SNTG1: variants seen among roughly 807,000 people sequenced by gnomAD.
SNTG1 encodes the protein gamma-1-syntrophin.
A neutral mutation model predicts 74.7 loss-of-function variants in SNTG1; 39 were observed. That is an observed-to-expected ratio of 0.52 (90% confidence interval 0.40 to 0.68). The LOEUF (loss-of-function observed/expected upper bound fraction) is 0.68, where lower values mean the gene tolerates loss of function less well. Ranked by LOEUF, SNTG1 falls within the 30% of genes least tolerant of loss-of-function variation. The pLI, the probability that SNTG1 is intolerant of heterozygous loss-of-function variation, is 0.00. For synonymous variants in SNTG1, 254 were observed against 217.1 expected (o/e 1.17, Z -1.49); for missense variants, 685 against 609.5 (o/e 1.12, Z -1.30).
intron 2 of SNTG1, among the ~76,000 whole-genome samples, chr8:50,251,584 A>G (rs1444510031): frequency 6.6e-6 from 1 of 151,898 alleles, no homozygotes; most frequent in Non-Finnish European, 1.5e-5. Flanking sequence ...GCATACTTAT[A>G]TCAGATAAAA....
At chr8:50,273,318 G>A (rs142260556) in intron 2 of SNTG1, among the ~76,000 whole-genome samples, 27 of 152,218 alleles carry the variant, frequency 1.8e-4, no homozygotes, top group African/African-American at 5.8e-4. Context: ...AAAAACACAA[G>A]TTCTGACAGA....
intron 2 of SNTG1, among the ~76,000 whole-genome samples, chr8:50,328,427 GT>G (rs2090837091): frequency 6.6e-6 from 1 of 152,170 alleles, no homozygotes; most frequent in Non-Finnish European, 1.5e-5. Context: ...AAGGATAAAG[GT>G]TTAATTGACC....
chr8:50,527,205 T>C (rs1322275946), intron 9 of SNTG1, among the ~76,000 whole-genome samples: 2 of 152,332 alleles, frequency 1.3e-5, no homozygotes, highest in African/African-American at 4.8e-5. Flanking sequence ...TTTTTACTAT[T>C]ATAGTGCATG....
intron 2 of SNTG1, among the ~76,000 whole-genome samples, chr8:50,321,452 A>C (rs1008220945): frequency 2.0e-5 from 3 of 152,096 alleles, no homozygotes; most frequent in Admixed American, 1.3e-4. Context: ...TCTTGTAGGC[A>C]ACAGATTATT....
At chr8:50,284,211 T>A (rs1291423008) in intron 2 of SNTG1, among the ~76,000 whole-genome samples, 2 of 152,232 alleles carry the variant, frequency 1.3e-5, no homozygotes, top group South Asian at 4.2e-4. Context: ...GATAAACATA[T>A]TCTTATGAAA....
chr8:50,082,149 G>A (rs149958804), intron 1 of SNTG1, among the ~76,000 whole-genome samples: 1 of 151,846 alleles, frequency 6.6e-6, no homozygotes, highest in Non-Finnish European at 1.5e-5. Flanking sequence ...CCTCTATGTG[G>A]TGAGAAATTT....
At chr8:50,312,712 C>T (rs890512121) in intron 2 of SNTG1, among the ~76,000 whole-genome samples, 4 of 149,986 alleles carry the variant, frequency 2.7e-5, no homozygotes, top group Non-Finnish European at 4.4e-5. Flanking sequence ...TTCATCTCTA[C>T]GTTTTCTCAA....
At chr8:50,613,999 A>G (rs1191643366) in intron 13 of SNTG1, among the ~76,000 whole-genome samples, 10 of 152,162 alleles carry the variant, frequency 6.6e-5, no homozygotes, top group Admixed American at 5.2e-4. Context: ...AATGATGTCT[A>G]TGAGATTGTA....
At chr8:50,520,945 T>C (rs2094174462) in intron 9 of SNTG1, among the ~76,000 whole-genome samples, 1 of 152,184 alleles carries the variant, frequency 6.6e-6, no homozygotes. Context: ...GGAATATAAA[T>C]CTTTCTACTA....
intron 1 of SNTG1, among the ~76,000 whole-genome samples, chr8:49,930,522 T>C (rs406337): frequency 0.85 from 129,419 of 151,550 alleles, 55,454 homozygotes; most frequent in East Asian, 1. Flanking sequence ...TATATATATA[T>C]GTGTGTGTAG....
At chr8:50,097,651 CA>C (rs1160437265) in intron 1 of SNTG1, among the ~76,000 whole-genome samples, 28 of 117,118 alleles carry the variant, frequency 2.4e-4, no homozygotes, top group East Asian at 5.5e-4. Context: ...GACTCCGTCT[CA>C]AAAAAAAAAA....
chr8:50,245,283 A>G (rs1244398888), intron 2 of SNTG1, among the ~76,000 whole-genome samples: 1 of 152,164 alleles, frequency 6.6e-6, no homozygotes, highest in Non-Finnish European at 1.5e-5. Context: ...CCTTGATTTG[A>G]GACAGATCAC....
intron 15 of SNTG1, among the ~76,000 whole-genome samples, chr8:50,668,120 T>G (rs575903025): frequency 5.9e-5 from 9 of 152,122 alleles, no homozygotes; most frequent in African/African-American, 2.2e-4. Flanking sequence ...AAATCCAGCT[T>G]CCTGTCTTAA....
chr8:50,076,097 C>T (rs1384033521), intron 1 of SNTG1, among the ~76,000 whole-genome samples: 3 of 152,100 alleles, frequency 2.0e-5, no homozygotes, highest in Non-Finnish European at 4.4e-5. Context: ...TGCAATCAAG[C>T]GAAGTGTAGT....
chr8:50,274,669 T>A (rs1277544071), intron 2 of SNTG1, among the ~76,000 whole-genome samples: 1 of 152,152 alleles, frequency 6.6e-6, no homozygotes, highest in Non-Finnish European at 1.5e-5. Flanking sequence ...ACTCGTGAAG[T>A]ATGATGTTAG....
At chr8:50,429,120 T>C (rs2093201602) in intron 4 of SNTG1, among the ~76,000 whole-genome samples, 2 of 152,090 alleles carry the variant, frequency 1.3e-5, no homozygotes, top group South Asian at 4.2e-4. Context: ...CCAGCTAATT[T>C]CCTTGCAGGA....
At chr8:50,093,308 C>T (rs2079808435) in intron 1 of SNTG1, among the ~76,000 whole-genome samples, 1 of 152,078 alleles carries the variant, frequency 6.6e-6, no homozygotes, top group African/African-American at 2.4e-5. Context: ...AATTGATATA[C>T]TGTAACAATC....
chr8:50,340,599 C>T (rs1443815614), intron 2 of SNTG1, among the ~76,000 whole-genome samples: 1 of 151,854 alleles, frequency 6.6e-6, no homozygotes, highest in Non-Finnish European at 1.5e-5. Context: ...AAGCAAAACA[C>T]AGAATGATCA....
chr8:50,292,767 C>G (rs545846432), intron 2 of SNTG1, among the ~76,000 whole-genome samples: 284 of 152,252 alleles, frequency 1.9e-3, no homozygotes, highest in African/African-American at 6.6e-3. Context: ...TATTTGGCAA[C>G]AGAACTGGGA....
Sources: allele counts gnomAD v4.1 joint callset (sites outside exome capture counted in the v4.1 genomes callset), GRCh38; gene constraint gnomAD v4.1.1; transcripts MANE v1.5; gene names NCBI Gene and HGNC (gene_info 2026-07-23, HGNC 2026-07-21).